Variants in TXNDC16 observed in about 807,000 individuals in gnomAD.
TXNDC16 encodes the protein thioredoxin domain containing 16, also known as thioredoxin domain-containing protein 16.
Under a neutral mutation model 85.6 loss-of-function variants are expected in TXNDC16, and 74 were observed. That is an observed-to-expected ratio of 0.86 (90% CI 0.72 to 1.05). TXNDC16 has a LOEUF of 1.05. Among genes scored for constraint, TXNDC16 ranks in the 50% least tolerant of loss-of-function variants. TXNDC16 has a pLI of 0.00. For missense variants in TXNDC16, 959 were observed against 947.0 expected, an observed-to-expected ratio of 1.01 and a Z score of -0.17; for synonymous variants, 335 against 326.5, an observed-to-expected ratio of 1.03 and a Z score of -0.28.
rs190524414 is a variant in TXNDC16 at position 52,432,648 on chromosome 14, A to C, written c.2195-61T>G. ...CAGCTATAAATCGTCACATCAACAT[A>C]TTAGAAAATGTTTTATTTTGAAAAA... On this transcript the variant is annotated intron_variant, in intron 20 of 20. Coordinates refer to ENST00000281741, the MANE Select transcript of TXNDC16 (RefSeq NM_020784.3). 290 of 1,372,942 alleles carry C rather than the reference A, an allele frequency of 2.1e-4. 3 individuals are homozygous for C. In the East Asian group the frequency reaches 6.7e-3, roughly 32 times the overall value. The allele number at this position is 1,372,942 out of a possible 1,614,324, so 85.0% of individuals were successfully genotyped here.
chr14:52,458,536 G>C (rs916989334), intron 16 of TXNDC16, among the ~76,000 whole-genome samples: 3 of 151,288 alleles, frequency 2.0e-5, no homozygotes, highest in Admixed American at 6.6e-5. Context: ...CACAGAGCGA[G>C]ACTCTGTCTC....
At chr14:52,493,235 A>G (rs959976653) in intron 9 of TXNDC16, among the ~76,000 whole-genome samples, 4 of 147,702 alleles carry the variant, frequency 2.7e-5, no homozygotes, top group Non-Finnish European at 5.9e-5. Flanking sequence ...ACACACACAC[A>G]TATTTAAAAG....
At chr14:52,536,861 C>A in intron 5 of TXNDC16, 68 bp from the exon 6 acceptor site, 1 of 1,331,004 alleles carries the variant, frequency 7.5e-7, no homozygotes, top group South Asian at 1.3e-5. Flanking sequence ...ATTCAATTTA[C>A]TTGTCTATCA....
chr14:52,504,902 A>T (rs548392287), intron 9 of TXNDC16, among the ~76,000 whole-genome samples: 1 of 152,204 alleles, frequency 6.6e-6, no homozygotes, highest in Non-Finnish European at 1.5e-5. Flanking sequence ...GAAAACAAAA[A>T]AAGGCAGGGG....
At chr14:52,485,738 A>C (rs2036253555) in intron 12 of TXNDC16, among the ~76,000 whole-genome samples, 1 of 152,214 alleles carries the variant, frequency 6.6e-6, no homozygotes, top group African/African-American at 2.4e-5. Flanking sequence ...GAGCAATAGG[A>C]TATATCATAC....
At chr14:52,435,255 T>TC (rs1309937399) in intron 20 of TXNDC16, among the ~76,000 whole-genome samples, 12 of 143,072 alleles carry the variant, frequency 8.4e-5, no homozygotes, top group Non-Finnish European at 1.8e-4. Context: ...CATGTCTGCT[T>TC]TTTTTTTTTT....
At position 52,543,610 on chromosome 14, in the gene TXNDC16, T is replaced by C. The variant is rs1382088027; in HGVS notation, c.-53A>G. 3.1e-6 allele frequency: 5 copies of C among 1,594,062 alleles called. No individual in the cohort carries two copies. Among genetic ancestry groups the C allele is most frequent in the Non-Finnish European group, 3.4e-6 (4 of 1,171,634 alleles). On this transcript the variant is annotated 5_prime_UTR_variant, in exon 3 of 21. Transcript: ENST00000281741. Reference sequence around the variant, plus strand: ...TTTTGTCTGTTTTTTCACTGCTGTGTTCTGTTTCCTAAGACAACACCTGGC... The same window carrying C: ...TTTTGTCTGTTTTTTCACTGCTGTGCTCTGTTTCCTAAGACAACACCTGGC...
chr14:52,527,275 C>T (rs2037358359), intron 6 of TXNDC16, among the ~76,000 whole-genome samples: 1 of 152,152 alleles, frequency 6.6e-6, no homozygotes, highest in African/African-American at 2.4e-5. Flanking sequence ...GCCTTCAACA[C>T]ATGCAGGATC....
At chr14:52,528,079 T>C (rs1263807925) in intron 6 of TXNDC16, among the ~76,000 whole-genome samples, 6 of 152,192 alleles carry the variant, frequency 3.9e-5, no homozygotes, top group Admixed American at 1.3e-4. Context: ...CCTAAGTTTA[T>C]ACTTGTTATT....
intron 7 of TXNDC16, among the ~76,000 whole-genome samples, chr14:52,517,749 T>C (rs145572962): frequency 6.6e-6 from 1 of 152,276 alleles, no homozygotes; most frequent in East Asian, 1.9e-4. Flanking sequence ...CTACCACATC[T>C]TTCTCGTTAA....
chr14:52,484,534 A>G (rs566817645), intron 12 of TXNDC16, among the ~76,000 whole-genome samples: 2 of 152,188 alleles, frequency 1.3e-5, no homozygotes, highest in African/African-American at 2.4e-5. Context: ...AGCACAACAC[A>G]TTACTCACAT....
chr14:52,484,348 A>G (rs568901627), intron 12 of TXNDC16, among the ~76,000 whole-genome samples: 1 of 152,350 alleles, frequency 6.6e-6, no homozygotes, highest in South Asian at 2.1e-4. Flanking sequence ...GAGAGAGAAG[A>G]CAATACATTC....
rs997591228 is a variant in TXNDC16 at position 52,476,009 on chromosome 14, T to G, written c.1313-5329A>C. Among the ~76,000 whole-genome samples, 15 of 152,140 alleles carry G rather than the reference T, an allele frequency of 9.9e-5. 1 individual carries two copies. The highest frequency in any genetic ancestry group is 2.2e-4 in the Non-Finnish European group (15 of 68,024). On this transcript the variant is annotated intron_variant, in intron 14 of 20. Coordinates refer to ENST00000281741, the MANE Select transcript of TXNDC16 (RefSeq NM_020784.3). Reference sequence around the variant, plus strand: ...AGATGGTTGACACCACAGGACTCTGTGTAGACAACCCCAAGTACCAGCCTG... The same window carrying G: ...AGATGGTTGACACCACAGGACTCTGGGTAGACAACCCCAAGTACCAGCCTG...
chr14:52,537,357 T>C (rs562352688), intron 5 of TXNDC16, among the ~76,000 whole-genome samples: 1 of 152,330 alleles, frequency 6.6e-6, no homozygotes, highest in East Asian at 1.9e-4. Context: ...GCATTTGTTG[T>C]AGGAGTTTAC....
Position 52,532,250 on chromosome 14 carries a change from C to G in TXNDC16, c.392+4469G>C, listed in dbSNP as rs892230144. Among the ~76,000 whole-genome samples, 8 of 151,974 alleles carry G rather than the reference C, an allele frequency of 5.3e-5. 1 individual carries two copies. The highest frequency in any genetic ancestry group is 4.6e-4 in the Admixed American group (7 of 15,250). Reference sequence around the variant, plus strand: ...GTGTGGTGGTGTGCACCTGTACTCCCAGTTATTCCAGAGGCTGAGGTGGGA... The same window carrying G: ...GTGTGGTGGTGTGCACCTGTACTCCGAGTTATTCCAGAGGCTGAGGTGGGA... On this transcript the variant is annotated intron_variant, in intron 6 of 20. Coordinates refer to ENST00000281741, the MANE Select transcript of TXNDC16 (RefSeq NM_020784.3).
Position 52,520,286 on chromosome 14 carries a change from A to AGACT in TXNDC16, c.393-997_393-994dup, listed in dbSNP as rs200518993. Among the ~76,000 whole-genome samples, 739 of 152,334 alleles carry AGACT rather than the reference A, an allele frequency of 4.9e-3. 14 individuals carry two copies. The highest frequency in any genetic ancestry group is 0.039 in the Admixed American group (600 of 15,304). On this transcript the variant is annotated intron_variant, in intron 6 of 20. Coordinates refer to ENST00000281741, the MANE Select transcript of TXNDC16 (RefSeq NM_020784.3). ...GAATCATCCTTTCAGTGTATAAATC[A>AGACT]GACTGATCATATTTATTCATCCAAA...
chr14:52,537,303 A>G (rs2037726399), intron 5 of TXNDC16, among the ~76,000 whole-genome samples: 1 of 152,152 alleles, frequency 6.6e-6, no homozygotes, highest in South Asian at 2.1e-4. Flanking sequence ...TGGACCTGAC[A>G]TATCTACCCA....
chr14:52,481,798 T>C (rs892522280), intron 14 of TXNDC16, among the ~76,000 whole-genome samples: 7 of 152,144 alleles, frequency 4.6e-5, no homozygotes. Context: ...AAGCATTCCA[T>C]CCATGAGGAG....
Position 52,514,924 on chromosome 14 carries a change from G to T in TXNDC16, c.561C>A (p.Tyr187Ter), listed in dbSNP as rs1270524008. ...MEAAFVYGTTYQFVLTTEIAL... is the reference protein window; with the variant it reads ...MEAAFVYGTT ...CAATTTCTGTGGTTAAGACAAATTG[G>T]TATGTAGTCCCATACACAAAAGCGG... The change falls in exon 8 of 21, where the codon TAC becomes TAA. Residue 187 changes from tyrosine (Y) to a stop codon, truncating the protein, a stop_gained. Coordinates refer to ENST00000281741, the MANE Select transcript of TXNDC16 (RefSeq NM_020784.3). LOFTEE classifies it high-confidence loss of function. The T allele has an allele frequency of 1.2e-6, 2 of 1,612,606 alleles. No homozygotes were observed. Among genetic ancestry groups the T allele is most frequent in the Admixed American group, 1.7e-5 (1 of 59,928 alleles).
Sources: allele counts gnomAD v4.1 joint callset (sites outside exome capture counted in the v4.1 genomes callset), GRCh38; gene constraint gnomAD v4.1.1; transcripts MANE v1.5; gene names NCBI Gene and HGNC (gene_info 2026-07-23, HGNC 2026-07-21).